SLC37A1: variants seen among roughly 807,000 people sequenced by gnomAD.
SLC37A1 encodes solute carrier family 37 member 1, also known as glucose-6-phosphate exchanger SLC37A1.
A neutral mutation model predicts 75.3 loss-of-function variants in SLC37A1; 49 were observed. The observed-to-expected ratio is 0.65, with a 90% confidence interval of 0.52 to 0.83. SLC37A1 has a LOEUF of 0.83. SLC37A1 is among the 40% of genes least tolerant of loss of function. The probability of loss-of-function intolerance (pLI) is 0.00; values close to 1 mark genes in which losing one functional copy is unlikely to be tolerated. For synonymous variants in SLC37A1, 268 were observed against 292.1 expected (o/e 0.92, Z 0.84); for missense variants, 566 against 695.0 (o/e 0.81, Z 2.09).
At position 42,528,548 on chromosome 21, in the gene SLC37A1, A is replaced by G. The variant is rs368504147; in HGVS notation, c.138+2691A>G. 7.6e-4 allele frequency among the ~76,000 whole-genome samples: 116 copies of G among 152,338 alleles called. 1 individual carries two copies. The highest frequency in any genetic ancestry group is 2.7e-3 in the African/African-American group (111 of 41,578). On this transcript the variant is annotated intron_variant, in intron 3 of 19. Coordinates refer to ENST00000352133, the MANE Select transcript of SLC37A1 (RefSeq NM_001320537.2). ...AGGACTTAAAAGGAGAAAACTGGCT[A>G]GGCGCAGTGGCTCACGCCTGTAATC...
intron 9 of SLC37A1, among the ~76,000 whole-genome samples, chr21:42,549,610 A>C (rs2055507107): frequency 6.6e-6 from 1 of 152,112 alleles, no homozygotes; most frequent in Non-Finnish European, 1.5e-5. Context: ...CAGGAATGTT[A>C]CCTGCTCTGT....
At chr21:42,529,570 A>G (rs2054890176) in intron 3 of SLC37A1, among the ~76,000 whole-genome samples, 1 of 152,254 alleles carries the variant, frequency 6.6e-6, no homozygotes, top group African/African-American at 2.4e-5. Flanking sequence ...AGTAAAATAA[A>G]ATAAATGGAT....
intron 17 of SLC37A1, among the ~76,000 whole-genome samples, chr21:42,571,888 C>G (rs919375952): frequency 6.6e-6 from 1 of 152,202 alleles, no homozygotes; most frequent in Non-Finnish European, 1.5e-5. Flanking sequence ...CCACCCCTTT[C>G]ACGCCATCAG....
chr21:42,566,834 T>C, intron 15 of SLC37A1, 151 bp from the exon 16 acceptor site: 3 of 708,364 alleles, frequency 4.2e-6, no homozygotes, highest in Non-Finnish European at 7.0e-6. Context: ...GGGTATGATT[T>C]GCTTTAGCTC....
rs1292296142 is a variant in SLC37A1 at position 42,518,436 on chromosome 21, G to T, written c.-19G>T. The T allele has an allele frequency of 6.2e-7, 1 of 1,614,046 alleles. No individual in the cohort carries two copies. The highest frequency in any genetic ancestry group is 8.5e-7 in the Non-Finnish European group (1 of 1,180,026). ...CATCTTATTCTGCGACCGAGGCTCAGTGGTCAGTGGCGACGTAAATGGCTC... is the reference window on the plus strand; with the variant it reads ...CATCTTATTCTGCGACCGAGGCTCATTGGTCAGTGGCGACGTAAATGGCTC... On this transcript the variant is annotated 5_prime_UTR_variant, in exon 2 of 20. Coordinates refer to ENST00000352133, the MANE Select transcript of SLC37A1 (RefSeq NM_001320537.2).
intron 5 of SLC37A1, among the ~76,000 whole-genome samples, chr21:42,538,897 A>G (rs2055206396): frequency 6.6e-6 from 1 of 152,238 alleles, no homozygotes; most frequent in Non-Finnish European, 1.5e-5. Flanking sequence ...ATTGCTGTTC[A>G]GAAGGATCAG....
intron 18 of SLC37A1, among the ~76,000 whole-genome samples, chr21:42,577,229 C>T (rs1215772785): frequency 6.6e-6 from 1 of 152,216 alleles, no homozygotes; most frequent in African/African-American, 2.4e-5. Flanking sequence ...AAGTGATATT[C>T]CTAAGGATGA....
At chr21:42,576,017 G>A in intron 18 of SLC37A1, 1 of 934,100 alleles carries the variant, frequency 1.1e-6, no homozygotes, top group Non-Finnish European at 1.3e-6. Context: ...TTGTTTTGAT[G>A]CTTAGCCAAA....
At chr21:42,542,971 T>C (rs2055320012) in intron 7 of SLC37A1, among the ~76,000 whole-genome samples, 1 of 152,254 alleles carries the variant, frequency 6.6e-6, no homozygotes, top group South Asian at 2.1e-4. Flanking sequence ...AAAGGCTTAT[T>C]TATGGTGGAC....
chr21:42,533,387 C>A (rs1373887881), intron 3 of SLC37A1, among the ~76,000 whole-genome samples: 2 of 152,202 alleles, frequency 1.3e-5, no homozygotes, highest in Non-Finnish European at 2.9e-5. Context: ...ACTACAGAGA[C>A]CCCTGAGAAG....
intron 18 of SLC37A1, chr21:42,575,472 C>T: frequency 5.1e-6 from 5 of 985,474 alleles, no homozygotes; most frequent in Non-Finnish European, 6.0e-6. Context: ...CTTCTGGCTT[C>T]TGCCCCCTTT....
In SLC37A1 at chr21:42,547,114, G is replaced by A. The variant is rs370200672; in HGVS notation, c.742G>A (p.Val248Ile). 199 of 1,614,178 alleles carry A rather than the reference G, an allele frequency of 1.2e-4. 1 individual carries two copies. The highest frequency in any genetic ancestry group is 9.4e-4 in the South Asian group (86 of 91,086). The stretch of plus-strand genomic sequence containing the variant: ...GTTTGCTCTTTCAGATCCGAACGAC[G>A]TCAGGTGCTCCTCCACCCTGGTGAC... ...FLFLIEHPND[V>I]RCSSTLVTHS... The change falls in exon 9 of 20, where the codon GTC becomes ATC. Residue 248 changes from valine to isoleucine, a missense_variant. Transcript: ENST00000352133. The surrounding 1 kb of genome is among the most constrained non-coding windows in gnomAD (Gnocchi z 6.1).
At chr21:42,526,336 A>G (rs2054790770) in intron 3 of SLC37A1, among the ~76,000 whole-genome samples, 2 of 152,216 alleles carry the variant, frequency 1.3e-5, no homozygotes, top group Admixed American at 6.5e-5. Flanking sequence ...AAAGCAGACA[A>G]GCCTACATAA....
intron 6 of SLC37A1, among the ~76,000 whole-genome samples, chr21:42,540,889 A>G (rs2055262887): frequency 1.3e-5 from 2 of 152,108 alleles, no homozygotes; most frequent in Admixed American, 6.5e-5. Flanking sequence ...GGAGAAAACA[A>G]TTTTCCAGAG....
At chr21:42,573,392 C>G (rs998511288) in intron 17 of SLC37A1, among the ~76,000 whole-genome samples, 1 of 152,172 alleles carries the variant, frequency 6.6e-6, no homozygotes, top group Non-Finnish European at 1.5e-5. Context: ...TCCAGGTGTC[C>G]CTGTGCTGTC....
rs775087098 is a variant in SLC37A1 at position 42,559,068 on chromosome 21, C to G, written c.960C>G (p.Phe320Leu). The change falls in exon 11 of 20, where the codon TTC becomes TTG. Residue 320 changes from phenylalanine to leucine, a missense_variant. Coordinates refer to ENST00000352133, the MANE Select transcript of SLC37A1 (RefSeq NM_001320537.2). ...GGAGTGGCACGGCCGCCATCAGCTT[C>G]ACAGGGGCCTTGAAAATTCCAGTAA... is the stretch of plus-strand genomic sequence containing the variant. Reference protein sequence around the residue: ...DGGSGTAAISFTGALKIPGVI... With the variant: ...DGGSGTAAISLTGALKIPGVI... 98 of 1,611,816 alleles carry G rather than the reference C, an allele frequency of 6.1e-5. No homozygotes were observed. The East Asian group carries it at 2.2e-3, about 36-fold the overall frequency.
chr21:42,535,656 C>T (rs997677652), intron 5 of SLC37A1, 106 bp downstream of exon 5: 71 of 959,512 alleles, frequency 7.4e-5, no homozygotes, highest in East Asian at 7.2e-4. Flanking sequence ...TTGAGGCCCC[C>T]GCTTGCCACT....
chr21:42,564,856 C>T, intron 14 of SLC37A1, 63 bp downstream of exon 14: 1 of 1,469,178 alleles, frequency 6.8e-7, no homozygotes. Context: ...GTCCTCCTCG[C>T]CAGCCAGCAT....
rs145036036 is a variant in SLC37A1, at chr21:42,533,027, T to C, written c.139-1671T>C. Among the ~76,000 whole-genome samples, 247 of 152,172 alleles carry C rather than the reference T, an allele frequency of 1.6e-3. 1 individual carries two copies. The highest frequency in any genetic ancestry group is 6.8e-3 in the Middle Eastern group (2 of 294). On this transcript the variant is annotated intron_variant, in intron 3 of 19. Coordinates refer to ENST00000352133, the MANE Select transcript of SLC37A1 (RefSeq NM_001320537.2). Reference sequence around the variant, plus strand: ...ACGTGCTGCCAGCTGTAAATCAGGGTGTCTAGCTCCGATTCAAAAGCCCTG... The same window carrying C: ...ACGTGCTGCCAGCTGTAAATCAGGGCGTCTAGCTCCGATTCAAAAGCCCTG...
Sources: gnomAD v4.1 joint callset for allele counts (sites outside exome capture counted in the v4.1 genomes callset) on GRCh38, gnomAD v4.1.1 for gene constraint, Gnocchi (gnomAD v3.1) non-coding constraint, MANE v1.5 for transcripts, NCBI Gene and HGNC (gene_info 2026-07-23, HGNC 2026-07-21) for gene names.